Variants in HDAC9 observed in about 807,000 individuals in gnomAD.
HDAC9 encodes the protein MEF-2 interacting transcription repressor (MITR) protein.
In HDAC9, 41 loss-of-function variants were observed where a neutral mutation model predicts 139.4. The observed-to-expected ratio is 0.29, with a 90% CI of 0.23 to 0.38. HDAC9 has a LOEUF of 0.38. Among genes scored for constraint, HDAC9 ranks in the 10% least tolerant of loss-of-function variants. HDAC9 has a pLI of 1.00. For missense variants in HDAC9, 1,147 were observed against 1,297.0 expected, an observed-to-expected ratio of 0.88 and a Z score of 1.78; for synonymous variants, 517 against 476.2, an observed-to-expected ratio of 1.09 and a Z score of -1.12.
At chr7:18,535,714 G>A (rs1810639452) in intron 2 of HDAC9, among the ~76,000 whole-genome samples, 2 of 55,326 alleles carry the variant, frequency 3.6e-5, no homozygotes, top group African/African-American at 1.8e-4. Flanking sequence ...GCCCATAAAG[G>A]CATTAAGCAA....
At chr7:18,470,872 TTATTAA>T (rs1479598915) in intron 1 of HDAC9, among the ~76,000 whole-genome samples, 1 of 152,080 alleles carries the variant, frequency 6.6e-6, no homozygotes, top group African/African-American at 2.4e-5. Context: ...GTTGCATATA[TTATTAA>T]TATTATTATT....
chr7:18,763,005 T>C (rs1475630529), intron 15 of HDAC9, among the ~76,000 whole-genome samples: 2 of 152,178 alleles, frequency 1.3e-5, no homozygotes, highest in Non-Finnish European at 2.9e-5. Flanking sequence ...TTATTAACTT[T>C]TTATAAGTGA....
chr7:18,565,822 A>T (rs1274950511), intron 2 of HDAC9, among the ~76,000 whole-genome samples: 1 of 152,030 alleles, frequency 6.6e-6, no homozygotes, highest in Non-Finnish European at 1.5e-5. Context: ...AAAGAAAAGT[A>T]TTCTAAGATA....
intron 6 of HDAC9, among the ~76,000 whole-genome samples, chr7:18,616,855 G>A (rs1013101827): frequency 6.6e-6 from 1 of 152,158 alleles, no homozygotes; most frequent in Admixed American, 6.6e-5. Flanking sequence ...GAGGGGCTGT[G>A]AAGAGTTGAA....
intron 17 of HDAC9, among the ~76,000 whole-genome samples, chr7:18,802,306 C>T (rs758964100): frequency 3.3e-5 from 5 of 151,746 alleles, no homozygotes; most frequent in African/African-American, 7.3e-5. Flanking sequence ...AATTTCCAAA[C>T]GTATGAGTGT....
At chr7:18,119,506 C>A (rs1052088302) in intron 1 of HDAC9, among the ~76,000 whole-genome samples, 1 of 152,180 alleles carries the variant, frequency 6.6e-6, no homozygotes, top group Non-Finnish European at 1.5e-5. Context: ...GAATTTGTCT[C>A]CTGTCTTCTA....
At chr7:18,912,970 CTTAACTATTA>C (rs1264236036) in intron 22 of HDAC9, among the ~76,000 whole-genome samples, 1 of 152,026 alleles carries the variant, frequency 6.6e-6, no homozygotes, top group Non-Finnish European at 1.5e-5. Flanking sequence ...TAATACTGAT[CTTAACTATTA>C]GAAAACTAAA....
chr7:18,564,921 C>G (rs1378217529), intron 2 of HDAC9, among the ~76,000 whole-genome samples: 2 of 151,782 alleles, frequency 1.3e-5, no homozygotes, highest in African/African-American at 4.8e-5. Context: ...TAGGCTCTTT[C>G]ATATTTCAAA....
chr7:18,147,377 T>A (rs1276368463), intron 1 of HDAC9, among the ~76,000 whole-genome samples: 5 of 152,204 alleles, frequency 3.3e-5, no homozygotes, highest in Admixed American at 3.3e-4. Flanking sequence ...TAAATATTGA[T>A]GTTTGCTTTT....
chr7:18,323,722 T>C (rs2128638831), intron 1 of HDAC9, among the ~76,000 whole-genome samples: 1 of 152,260 alleles, frequency 6.6e-6, no homozygotes, highest in South Asian at 2.1e-4. Flanking sequence ...TAATAGTCTT[T>C]GGTGAGTACC....
intron 1 of HDAC9, among the ~76,000 whole-genome samples, chr7:18,477,898 C>T (rs1038694496): frequency 2.0e-5 from 3 of 152,004 alleles, no homozygotes; most frequent in Non-Finnish European, 4.4e-5. Context: ...TAATAGTTTT[C>T]ATTTTAGCTT....
At chr7:18,929,467 A>G (rs976782646) in intron 22 of HDAC9, among the ~76,000 whole-genome samples, 8 of 152,056 alleles carry the variant, frequency 5.3e-5, no homozygotes, top group African/African-American at 1.9e-4. Context: ...CATCAAAAGA[A>G]ATGATTTGTT....
intron 1 of HDAC9, among the ~76,000 whole-genome samples, chr7:18,373,411 A>G (rs1784742582): frequency 6.6e-6 from 1 of 152,172 alleles, no homozygotes; most frequent in Non-Finnish European, 1.5e-5. Context: ...TTCATCTGTA[A>G]AACAGGGGAT....
At chr7:18,381,647 T>A (rs1193510654) in intron 1 of HDAC9, among the ~76,000 whole-genome samples, 1 of 152,100 alleles carries the variant, frequency 6.6e-6, no homozygotes. Flanking sequence ...CATTCAGTAC[T>A]CAAATTTAGA....
At chr7:18,935,237 T>C (rs143313240) in intron 22 of HDAC9, among the ~76,000 whole-genome samples, 1 of 152,288 alleles carries the variant, frequency 6.6e-6, no homozygotes, top group African/African-American at 2.4e-5. Flanking sequence ...TGTCATATTA[T>C]TGTATTTTAT....
At chr7:18,978,265 C>G (rs1332088496) in intron 25 of HDAC9, among the ~76,000 whole-genome samples, 1 of 152,062 alleles carries the variant, frequency 6.6e-6, no homozygotes, top group Non-Finnish European at 1.5e-5. Flanking sequence ...TCATTTCATA[C>G]TAAGATTTTG....
At chr7:18,480,046 A>C (rs1419163424) in intron 1 of HDAC9, among the ~76,000 whole-genome samples, 1 of 49,562 alleles carries the variant, frequency 2.0e-5, no homozygotes, top group Non-Finnish European at 4.5e-5. Flanking sequence ...CCTCCTTTCT[A>C]TTTTTTTTTC....
intron 16 of HDAC9, among the ~76,000 whole-genome samples, chr7:18,777,441 C>T (rs552761389): frequency 1.3e-5 from 2 of 151,984 alleles, no homozygotes; most frequent in South Asian, 2.1e-4. Flanking sequence ...TATATCTGAA[C>T]TGTGAGATTT....
chr7:18,951,893 T>C (rs1782821377), intron 23 of HDAC9, among the ~76,000 whole-genome samples: 3 of 151,920 alleles, frequency 2.0e-5, no homozygotes, highest in Non-Finnish European at 1.5e-5. Flanking sequence ...AATCCAGTTC[T>C]GTGGTCCCGC....
Sources: gnomAD v4.1 joint callset for allele counts (sites outside exome capture counted in the v4.1 genomes callset) on GRCh38, gnomAD v4.1.1 for gene constraint, MANE v1.5 for transcripts, NCBI Gene and HGNC (gene_info 2026-07-23, HGNC 2026-07-21) for gene names.